Variants in COL13A1 observed in about 807,000 individuals in gnomAD.
COL13A1 encodes collagen alpha-1(XIII) chain.
Under a neutral mutation model 130.9 loss-of-function variants are expected in COL13A1, and 89 were observed. The ratio of observed to expected loss-of-function variants is 0.68; its 90% CI spans 0.57 to 0.81. The LOEUF is 0.81. Among genes scored for constraint, COL13A1 ranks in the 30% least tolerant of loss-of-function variants. COL13A1 has a pLI of 0.00. For missense variants in COL13A1, 879 were observed against 934.6 expected (o/e 0.94, Z 0.78); for synonymous variants, 402 against 341.6 (o/e 1.18, Z -1.95).
rs1358464867 is a variant in COL13A1 at position 69,878,616 on chromosome 10, G to A, written c.462+551G>A. Among the ~76,000 whole-genome samples the A allele has an allele frequency of 2.0e-5, 3 of 152,186 alleles. No homozygotes were observed. In the East Asian group the frequency reaches 5.8e-4, roughly 29 times the overall value. ...CCTACCTCAGCCTCCCAAGTAGCTG[G>A]GATTATAGGCCTGTGCCACCACACC... is the stretch of plus-strand genomic sequence containing the variant. On this transcript the variant is annotated intron_variant, in intron 6 of 40. Transcript: ENST00000645393.
At chr10:69,846,416 G>T (rs1362462945) in intron 2 of COL13A1, among the ~76,000 whole-genome samples, 4 of 152,222 alleles carry the variant, frequency 2.6e-5, no homozygotes, top group Non-Finnish European at 5.9e-5. Context: ...ACAGGCTGAC[G>T]GGGAGGCCAG....
Position 69,959,087 on chromosome 10 carries a change from CTA to C in COL13A1, c.*387_*388del. On this transcript the variant is annotated 3_prime_UTR_variant, in exon 41 of 41. Coordinates refer to ENST00000645393, the MANE Select transcript of COL13A1 (RefSeq NM_001368882.1). ...ATGATATTTGCTAAGCTAGGTGTGT[CTA>C]AGAGTATTTTAAACCCTTATGGATT... The C allele has an allele frequency of 5.3e-6, 1 of 188,154 alleles. No homozygotes were observed. The highest frequency in any genetic ancestry group is 1.1e-5 in the Non-Finnish European group (1 of 91,082). 11.7% of individuals were successfully genotyped at this position (188,154 alleles called of 1,614,324 possible).
intron 2 of COL13A1, among the ~76,000 whole-genome samples, chr10:69,835,497 G>A (rs1301237125): frequency 1.3e-5 from 2 of 152,066 alleles, no homozygotes; most frequent in Non-Finnish European, 2.9e-5. Context: ...CCACTAAGGC[G>A]ACTTGGGTGG....
At chr10:69,945,082 T>C (rs911982659) in intron 36 of COL13A1, among the ~76,000 whole-genome samples, 1 of 152,148 alleles carries the variant, frequency 6.6e-6, no homozygotes, top group African/African-American at 2.4e-5. Flanking sequence ...TCTTTCTATA[T>C]CAGCTCTTCC....
rs1328423683 is a variant in COL13A1, at chr10:69,947,312, A to G, written c.2028A>G (p.Leu676=). The G allele has an allele frequency of 3.1e-6, 5 of 1,613,224 alleles. No individual in the cohort carries two copies. The highest frequency in any genetic ancestry group is 4.2e-6 in the Non-Finnish European group (5 of 1,179,612). The part of the protein sequence containing the change: ...GPTGAAGLPG[L]HGPPGDKGNR... ...CTTCCTCTGATCTCTTGCAGGGTTT[A>G]CATGGACCACCCGGGGACAAGGGAA... The change falls in exon 38 of 41, where the codon TTA becomes TTG. Residue 676 remains leucine (L), a synonymous_variant. Coordinates refer to ENST00000645393, the MANE Select transcript of COL13A1 (RefSeq NM_001368882.1).
At chr10:69,871,730 C>T (rs2059090734) in intron 3 of COL13A1, among the ~76,000 whole-genome samples, 1 of 152,172 alleles carries the variant, frequency 6.6e-6, no homozygotes, top group Admixed American at 6.5e-5. Flanking sequence ...AGGGAGAAAC[C>T]AAGGCCAGCC....
At chr10:69,956,396 G>C (rs1149692) in intron 39 of COL13A1, 38,181 of 152,720 alleles carry the variant, frequency 0.25, 5,680 homozygotes, top group Non-Finnish European at 0.32. Flanking sequence ...CAAGGTCTAA[G>C]GCTTCGCCAG....
At chr10:69,925,907 A>T in intron 26 of COL13A1, 35 bp downstream of exon 26, 4 of 1,510,056 alleles carry the variant, frequency 2.6e-6, no homozygotes, top group Non-Finnish European at 3.6e-6. Flanking sequence ...CAAGATCCTC[A>T]TGGATCTCAG....
intron 2 of COL13A1, among the ~76,000 whole-genome samples, chr10:69,849,073 C>T (rs190712760): frequency 3.0e-4 from 46 of 152,314 alleles, no homozygotes; most frequent in African/African-American, 1.0e-3. Flanking sequence ...ATTCTCTTAA[C>T]GATTTTACCA....
At position 69,925,006 on chromosome 10, in the gene COL13A1, A is replaced by G. The variant is rs750203114; in HGVS notation, c.1328A>G (p.Lys443Arg). 1.4e-5 allele frequency: 22 copies of G among 1,584,968 alleles called. No individual in the cohort carries two copies. Among genetic ancestry groups the G allele is most frequent in the Middle Eastern group, 1.7e-4 (1 of 5,968 alleles). Reference sequence around the variant, plus strand: ...GGAGAACAGGGACCAGATGGCCCCAAGGTATGTGCCTCTCCCTCCTGGAGT... The same window carrying G: ...GGAGAACAGGGACCAGATGGCCCCAGGGTATGTGCCTCTCCCTCCTGGAGT... ...AAGEQGPDGP[K>R]GSKGEPGKGE... Residue 443 changes from lysine (K) to arginine (R), a missense_variant and splice_region_variant, in exon 25 of 41, where the codon AAG becomes AGG. Physicochemically the swap from Lys to Arg is conservative, Grantham distance 26. Transcript: ENST00000645393.
intron 17 of COL13A1, among the ~76,000 whole-genome samples, chr10:69,912,310 C>G (rs562075067): frequency 7.2e-5 from 11 of 152,216 alleles, no homozygotes; most frequent in Non-Finnish European, 1.5e-4. Context: ...CCGGTAATTC[C>G]CCGGATCACT....
At chr10:69,842,227 C>G (rs1350602983) in intron 2 of COL13A1, among the ~76,000 whole-genome samples, 1 of 152,164 alleles carries the variant, frequency 6.6e-6, no homozygotes, top group African/African-American at 2.4e-5. Flanking sequence ...AGGGGAAACC[C>G]CTTTCACTTG....
chr10:69,826,988 A>AC (rs898538437), intron 2 of COL13A1, among the ~76,000 whole-genome samples: 11 of 152,274 alleles, frequency 7.2e-5, no homozygotes, highest in Admixed American at 2.0e-4. Flanking sequence ...TCACGTGGTT[A>AC]CCCCCAGATT....
intron 16 of COL13A1, 38 bp from the exon 17 acceptor site, chr10:69,905,749 G>C (rs1565015137): frequency 6.2e-7 from 1 of 1,610,302 alleles, no homozygotes; most frequent in South Asian, 1.1e-5. Context: ...TTTGGCAGTG[G>C]GAAAACCTCT....
intron 12 of COL13A1, 100 bp from the exon 13 acceptor site, chr10:69,895,450 G>C: frequency 7.8e-7 from 1 of 1,276,974 alleles, no homozygotes; most frequent in Non-Finnish European, 1.1e-6. Flanking sequence ...CTGGTGAGCG[G>C]TGACATGTGT....
At chr10:69,953,065 A>T in intron 39 of COL13A1, 97 bp downstream of exon 39, 1 of 856,156 alleles carries the variant, frequency 1.2e-6, no homozygotes, top group Admixed American at 3.4e-5. Context: ...TGAGAACCAA[A>T]TGTCTACACG....
chr10:69,860,967 A>T (rs1402073089), intron 2 of COL13A1, among the ~76,000 whole-genome samples: 1 of 152,172 alleles, frequency 6.6e-6, no homozygotes, highest in South Asian at 2.1e-4. Flanking sequence ...AGGAGGCTGG[A>T]GGAACTTTAA....
At chr10:69,870,488 A>ATTT (rs72157739) in intron 3 of COL13A1, among the ~76,000 whole-genome samples, 85 of 141,860 alleles carry the variant, frequency 6.0e-4, no homozygotes, top group Admixed American at 1.6e-3. Flanking sequence ...AATTTTTTTA[A>ATTT]TTTTTTTTTT....
intron 38 of COL13A1, 46 bp from the exon 39 acceptor site, chr10:69,952,836 C>A (rs2069839233): frequency 7.6e-7 from 1 of 1,316,146 alleles, no homozygotes; most frequent in Non-Finnish European, 1.1e-6. Flanking sequence ...CATGAATGAT[C>A]TTAAAGTTTT....
Sources: gnomAD v4.1 joint callset for allele counts (sites outside exome capture counted in the v4.1 genomes callset) on GRCh38, gnomAD v4.1.1 for gene constraint, MANE v1.5 for transcripts, NCBI Gene and HGNC (gene_info 2026-07-23, HGNC 2026-07-21) for gene names.